Variants in MTRF1 observed in about 807,000 individuals in gnomAD.
The protein encoded by MTRF1 is peptide chain release factor 1, mitochondrial.
MTRF1 carries 51 observed loss-of-function variants against 62.9 expected under a neutral mutation model. The ratio of observed to expected loss-of-function variants is 0.81; its 90% confidence interval spans 0.65 to 1.02. MTRF1 has a LOEUF of 1.02. MTRF1 is among the 50% of genes least tolerant of loss of function. The probability of loss-of-function intolerance (pLI) is 0.00; values close to 1 mark genes in which losing one functional copy is unlikely to be tolerated. For synonymous variants in MTRF1, 158 were observed against 181.9 expected, an observed-to-expected ratio of 0.87 and a Z score of 1.06; for missense variants, 446 against 530.0, an observed-to-expected ratio of 0.84 and a Z score of 1.56.
At chr13:41,289,501 G>C in the MTRF1 span, among the ~76,000 whole-genome samples, 3 of 152,200 alleles carry the variant, frequency 2.0e-5, no homozygotes, top group Non-Finnish European at 4.4e-5. Context: ...CTCTCAAAGT[G>C]CTAGGATTAC....
At chr13:41,299,824 A>G in the MTRF1 span, among the ~76,000 whole-genome samples, 2 of 152,216 alleles carry the variant, frequency 1.3e-5, no homozygotes, top group South Asian at 2.1e-4. Flanking sequence ...CATAATTCAA[A>G]TAAGACCTTA....
intron 2 of MTRF1, among the ~76,000 whole-genome samples, chr13:41,260,203 G>A (rs1468009563): frequency 6.6e-6 from 1 of 151,794 alleles, no homozygotes; most frequent in East Asian, 1.9e-4. Context: ...TCAGTGGCTC[G>A]GTGGCTATAA....
At chr13:41,273,514 T>C in the MTRF1 span, among the ~76,000 whole-genome samples, 5 of 152,104 alleles carry the variant, frequency 3.3e-5, no homozygotes, top group Non-Finnish European at 7.4e-5. Flanking sequence ...GATCAGAGCA[T>C]AGTTTGGTTT....
At chr13:41,285,855 A>T in the MTRF1 span, among the ~76,000 whole-genome samples, 1 of 152,010 alleles carries the variant, frequency 6.6e-6, no homozygotes, top group African/African-American at 2.4e-5. Context: ...CCTGAGGTCA[A>T]GAGTTTGAGA....
intron 5 of MTRF1, among the ~76,000 whole-genome samples, chr13:41,246,632 T>C (rs1473775985): frequency 1.3e-5 from 2 of 152,318 alleles, no homozygotes; most frequent in South Asian, 2.1e-4. Context: ...AGGGCACAGA[T>C]GATATGAAAA....
At chr13:41,272,314 G>C in the MTRF1 span, among the ~76,000 whole-genome samples, 4 of 152,166 alleles carry the variant, frequency 2.6e-5, no homozygotes, top group African/African-American at 9.7e-5. Context: ...GGGGAAGGAG[G>C]TATAGGGTGG....
rs560368275 is a variant in MTRF1 at position 41,246,977 on chromosome 13, A to G, written c.697+5668T>C. ...TTATGTGTAAATAATAATAGTATATAACTAGGGCTACAGCACCGCACACCT... is the reference window on the plus strand; with the variant it reads ...TTATGTGTAAATAATAATAGTATATGACTAGGGCTACAGCACCGCACACCT... On this transcript the variant is annotated intron_variant, in intron 5 of 9. Coordinates refer to ENST00000379480, the MANE Select transcript of MTRF1 (RefSeq NM_004294.4). 7.2e-5 allele frequency among the ~76,000 whole-genome samples: 11 copies of G among 152,370 alleles called. No homozygotes were observed. In the South Asian group the frequency reaches 2.3e-3, roughly 32 times the overall value.
At chr13:41,263,196 ATAATT>A (rs2040669044) in intron 1 of MTRF1, 1 of 1,136,764 alleles carries the variant, frequency 8.8e-7, no homozygotes, top group East Asian at 5.8e-5. Context: ...AGTAGAATGC[ATAATT>A]TTCAAGGTCA....
the MTRF1 span, among the ~76,000 whole-genome samples, chr13:41,302,202 G>T: frequency 6.6e-6 from 1 of 151,882 alleles, no homozygotes; most frequent in Admixed American, 6.6e-5. Context: ...GCTAATTTTG[G>T]TATTTTTAGT....
chr13:41,250,219 C>T (rs2038891052), intron 5 of MTRF1, among the ~76,000 whole-genome samples: 2 of 152,132 alleles, frequency 1.3e-5, no homozygotes, highest in African/African-American at 4.8e-5. Context: ...TTACATTCTC[C>T]TTGAAACTCT....
chr13:41,217,759 C>T (rs1282912696), intron 9 of MTRF1, among the ~76,000 whole-genome samples: 3 of 152,248 alleles, frequency 2.0e-5, no homozygotes, highest in Non-Finnish European at 4.4e-5. Context: ...CATTAATGCA[C>T]ATACTGCTCC....
the MTRF1 span, chr13:41,287,777 A>G: frequency 5.1e-6 from 1 of 197,174 alleles, no homozygotes; most frequent in South Asian, 9.9e-5. Context: ...TCTTCTTCAC[A>G]GGAGGTGGGC....
At chr13:41,308,849 T>C in the MTRF1 span, among the ~76,000 whole-genome samples, 13 of 152,302 alleles carry the variant, frequency 8.5e-5, no homozygotes, top group Middle Eastern at 3.4e-3. Context: ...ACCCTATAGG[T>C]AGTTTTTTAA....
intron 6 of MTRF1, 97 bp downstream of exon 6, chr13:41,240,162 CAA>C (rs58711295): frequency 0.014 from 13,749 of 1,012,674 alleles, no homozygotes; most frequent in South Asian, 0.024. Flanking sequence ...GACTCTGTCT[CAA>C]AAAAAAAAAA....
upstream of MTRF1, among the ~76,000 whole-genome samples, chr13:41,265,825 C>T (rs2040828957): frequency 6.6e-6 from 1 of 152,032 alleles, no homozygotes; most frequent in South Asian, 2.1e-4. Flanking sequence ...GTTGTTTAGG[C>T]CACCCAGCTG....
At chr13:41,305,880 T>A in the MTRF1 span, among the ~76,000 whole-genome samples, 2 of 152,358 alleles carry the variant, frequency 1.3e-5, no homozygotes, top group South Asian at 4.1e-4. Flanking sequence ...TTGCTTTAAG[T>A]CCCTCATAGG....
At chr13:41,272,867 G>A in the MTRF1 span, among the ~76,000 whole-genome samples, 1 of 152,114 alleles carries the variant, frequency 6.6e-6, no homozygotes. Flanking sequence ...GGGGCAGGGG[G>A]TGGGTAGTTG....
Position 41,252,998 on chromosome 13 carries a change from A to G in MTRF1, c.540T>C (p.Tyr180=), listed in dbSNP as rs142408153. Reference sequence around the variant, plus strand: ...CCTCTAAAATAACATCATTTTTGTCATATTTCTCCTTTGGCACAAGGCTCT... The same window carrying G: ...CCTCTAAAATAACATCATTTTTGTCGTATTTCTCCTTTGGCACAAGGCTCT... ...LFQSLVPKEK[Y]DKNDVILEVT... Residue 180 remains tyrosine, a synonymous_variant, in exon 4 of 10, where the codon TAT becomes TAC. Transcript: ENST00000379480. 270 of 1,608,630 alleles carry G rather than the reference A, an allele frequency of 1.7e-4. No homozygotes were observed. In the African/African-American group the frequency reaches 3.2e-3, roughly 19 times the overall value.
chr13:41,255,134 T>C (rs2039541393), intron 2 of MTRF1, among the ~76,000 whole-genome samples: 1 of 152,196 alleles, frequency 6.6e-6, no homozygotes, highest in Non-Finnish European at 1.5e-5. Context: ...CCAGCACAGC[T>C]ACAACTTCCA....
Sources: allele counts gnomAD v4.1 joint callset (sites outside exome capture counted in the v4.1 genomes callset), GRCh38; gene constraint gnomAD v4.1.1; transcripts MANE v1.5; gene names NCBI Gene and HGNC (gene_info 2026-07-23, HGNC 2026-07-21).